RBFOX1: variants seen among roughly 807,000 people sequenced by gnomAD.
The protein encoded by RBFOX1 is RNA binding protein fox-1 homolog 1.
A neutral mutation model predicts 57.7 loss-of-function variants in RBFOX1; 8 were observed. The ratio of observed to expected loss-of-function variants is 0.14; its 90% CI spans 0.08 to 0.25. RBFOX1 has a LOEUF of 0.25. RBFOX1 is among the 10% of genes least tolerant of loss of function. RBFOX1 has a pLI of 1.00. For synonymous variants in RBFOX1, 326 were observed against 222.4 expected (o/e 1.47, Z -4.15); for missense variants, 611 against 548.5 (o/e 1.11, Z -1.14).
intron 1 of RBFOX1, among the ~76,000 whole-genome samples, chr16:6,310,614 A>G (rs372198708): frequency 6.6e-6 from 1 of 152,172 alleles, no homozygotes; most frequent in African/African-American, 2.4e-5. Flanking sequence ...AGAACTAATA[A>G]GATAACTGAC....
chr16:6,512,283 C>CAAAAAAAAAAAAAAAA lies in RBFOX1; in HGVS notation c.-63-142319_-63-142304dup, dbSNP rs565248640. 1.6e-3 allele frequency among the ~76,000 whole-genome samples: 143 copies of CAAAAAAAAAAAAAAAA among 86,906 alleles called. 4 individuals are homozygous for CAAAAAAAAAAAAAAAA. Among genetic ancestry groups the CAAAAAAAAAAAAAAAA allele is most frequent in the African/African-American group, 6.7e-3 (135 of 20,116 alleles). The allele number at this position is 86,906 out of a possible 152,430, so 57.0% of individuals were successfully genotyped here. A position where few individuals can be genotyped will look rare whatever the true frequency, so the allele number is the denominator to read the frequency against. On this transcript the variant is annotated intron_variant, in intron 2 of 15. Transcript: ENST00000550418. Reference sequence around the variant, plus strand: ...TGGGTAACAGAGCAAGACCCTGTATCAAAAAAAAAAAAAAAAGGTAAGAGA... The same window carrying CAAAAAAAAAAAAAAAA: ...TGGGTAACAGAGCAAGACCCTGTATCAAAAAAAAAAAAAAAAAAAAAAAAAAAAAAAAGGTAAGAGA...
intron 14 of RBFOX1, among the ~76,000 whole-genome samples, chr16:7,681,592 G>C (rs950648744): frequency 7.2e-5 from 11 of 152,020 alleles, no homozygotes; most frequent in Non-Finnish European, 1.6e-4. Flanking sequence ...TAAAAATTAA[G>C]GAATTGTCAG....
In RBFOX1 at chr16:5,284,756, A is replaced by ATTTTTTTTTTTTTTTTTTTTTTTT. The variant is rs1166998032; in HGVS notation, c.219+44654_219+44677dup. Among the ~76,000 whole-genome samples the ATTTTTTTTTTTTTTTTTTTTTTTT allele has an allele frequency of 2.6e-4, 16 of 61,046 alleles. 2 individuals carry two copies. The highest frequency in any genetic ancestry group is 7.9e-4 in the South Asian group (1 of 1,264). The allele number at this position is 61,046 out of a possible 152,430, so 40.0% of individuals were successfully genotyped here. On this transcript the variant is annotated intron_variant, in intron 1 of 2. Coordinates refer to the RBFOX1 transcript ENST00000585867. ...GCTGGGTATAGTAGTTTTGGCTTAGATTTTTTTTTTTTTTTTTTTTTTTTT... is the reference window on the plus strand; with the variant it reads ...GCTGGGTATAGTAGTTTTGGCTTAGATTTTTTTTTTTTTTTTTTTTTTTTTTTTTTTTTTTTTTTTTTTTTTTTT...
In RBFOX1 at chr16:6,528,188, A is replaced by G. The variant is rs75897207; in HGVS notation, c.-63-126415A>G. 2.4e-4 allele frequency among the ~76,000 whole-genome samples: 37 copies of G among 152,250 alleles called. 1 individual carries two copies. In the East Asian group the frequency reaches 6.2e-3, roughly 25 times the overall value. On this transcript the variant is annotated intron_variant, in intron 2 of 15. Transcript: ENST00000550418. ...TCTTCGGCACTTTTATCCTCCCCCC[A>G]TAAATTGCCCTGCTCATAGTAGTTG... is the stretch of plus-strand genomic sequence containing the variant.
At chr16:5,802,784 T>C (rs1441937322) in intron 3 of RBFOX1, among the ~76,000 whole-genome samples, 1 of 152,218 alleles carries the variant, frequency 6.6e-6, no homozygotes, top group Non-Finnish European at 1.5e-5. Context: ...TATTCACTTA[T>C]ATATTGGTTC....
chr16:7,477,521 CT>C (rs2151108845), intron 4 of RBFOX1, among the ~76,000 whole-genome samples: 1 of 152,272 alleles, frequency 6.6e-6, no homozygotes, highest in African/African-American at 2.4e-5. Context: ...ATATTATTGC[CT>C]GGCTGACTCC....
At chr16:6,991,088 G>C (rs1423691592) in intron 3 of RBFOX1, among the ~76,000 whole-genome samples, 2 of 124,846 alleles carry the variant, frequency 1.6e-5, no homozygotes, top group Non-Finnish European at 3.1e-5. Context: ...GCCTGCTTCA[G>C]CACAGAAGTT....
At chr16:5,692,456 C>A (rs1362521966) in intron 3 of RBFOX1, among the ~76,000 whole-genome samples, 1 of 152,120 alleles carries the variant, frequency 6.6e-6, no homozygotes, top group Non-Finnish European at 1.5e-5. Context: ...TCTTTCCCAA[C>A]TGAGACTCTG....
At chr16:6,777,571 C>T (rs992534903) in intron 3 of RBFOX1, among the ~76,000 whole-genome samples, 1 of 152,094 alleles carries the variant, frequency 6.6e-6, no homozygotes, top group African/African-American at 2.4e-5. Context: ...TTTGCAATTC[C>T]TGTCAGATTA....
At chr16:6,306,247 C>T (rs1470736102) in intron 1 of RBFOX1, among the ~76,000 whole-genome samples, 1 of 152,088 alleles carries the variant, frequency 6.6e-6, no homozygotes, top group Non-Finnish European at 1.5e-5. Context: ...GCTGCAGAAA[C>T]CAATCAAAGG....
chr16:7,690,947 T>C (rs2077182727), intron 14 of RBFOX1, among the ~76,000 whole-genome samples: 1 of 152,158 alleles, frequency 6.6e-6, no homozygotes, highest in Non-Finnish European at 1.5e-5. Context: ...AATCTGATTT[T>C]ACAGACATTT....
intron 4 of RBFOX1, among the ~76,000 whole-genome samples, chr16:7,301,175 A>G (rs149851173): frequency 3.3e-5 from 5 of 152,314 alleles, no homozygotes; most frequent in Non-Finnish European, 5.9e-5. Context: ...TGATGCTACC[A>G]TTTGATTTGG....
intron 2 of RBFOX1, among the ~76,000 whole-genome samples, chr16:6,564,999 G>C (rs866965020): frequency 1.3e-5 from 2 of 151,666 alleles, no homozygotes; most frequent in East Asian, 3.9e-4. Context: ...AAATTAGCTG[G>C]ATGTGCTGGC....
chr16:6,388,536 C>T (rs1009905760), intron 2 of RBFOX1, among the ~76,000 whole-genome samples: 12 of 151,530 alleles, frequency 7.9e-5, no homozygotes, highest in Admixed American at 4.6e-4. Context: ...GTATATTTGT[C>T]GTGTGATATA....
At chr16:5,968,321 C>G (rs560923028) in intron 4 of RBFOX1, among the ~76,000 whole-genome samples, 2 of 152,040 alleles carry the variant, frequency 1.3e-5, no homozygotes, top group Non-Finnish European at 2.9e-5. Flanking sequence ...ATGATCCCCC[C>G]GCCTCAGCCT....
intron 3 of RBFOX1, among the ~76,000 whole-genome samples, chr16:6,854,931 A>G (rs967708324): frequency 6.6e-6 from 1 of 151,602 alleles, no homozygotes; most frequent in East Asian, 1.9e-4. Flanking sequence ...TCTATATGAC[A>G]GAGGAGAACT....
intron 10 of RBFOX1, among the ~76,000 whole-genome samples, chr16:7,625,362 G>T (rs1382048514): frequency 6.6e-6 from 1 of 151,976 alleles, no homozygotes; most frequent in African/African-American, 2.4e-5. Flanking sequence ...GAGATGGTTT[G>T]GGGGTGGTTT....
chr16:6,403,558 C>G (rs922869694), intron 2 of RBFOX1, among the ~76,000 whole-genome samples: 1 of 152,070 alleles, frequency 6.6e-6, no homozygotes, highest in Non-Finnish European at 1.5e-5. Context: ...GAGATGTGGT[C>G]TCACTATGCT....
chr16:6,376,929 C>T (rs948664936), intron 2 of RBFOX1, among the ~76,000 whole-genome samples: 1 of 151,948 alleles, frequency 6.6e-6, no homozygotes, highest in Non-Finnish European at 1.5e-5. Flanking sequence ...TATCACATAG[C>T]CTTCCCTGTG....
Sources: gnomAD v4.1 joint callset for allele counts (sites outside exome capture counted in the v4.1 genomes callset) on GRCh38, gnomAD v4.1.1 for gene constraint, MANE v1.5 for transcripts, NCBI Gene and HGNC (gene_info 2026-07-23, HGNC 2026-07-21) for gene names.